The following CUL5 variants were observed in gnomAD, a reference collection of about 807,000 sequenced individuals.
The protein encoded by CUL5 is cullin-5.
Under a neutral mutation model 108.8 loss-of-function variants are expected in CUL5, and 26 were observed. That is an observed-to-expected ratio of 0.24 (90% confidence interval 0.18 to 0.33). The LOEUF (loss-of-function observed/expected upper bound fraction) is 0.33, where lower values mean the gene tolerates loss of function less well. Ranked by LOEUF, CUL5 falls within the 10% of genes least tolerant of loss-of-function variation. CUL5 has a pLI of 1.00. For missense variants in CUL5, 524 were observed against 909.2 expected (o/e 0.58, Z 5.45); for synonymous variants, 334 against 298.0 (o/e 1.12, Z -1.25).
chr11:108,104,466 G>T lies in CUL5; in HGVS notation c.*82G>T. The T allele has an allele frequency of 1.2e-6, 1 of 839,948 alleles. No individual in the cohort carries two copies. The allele number at this position is 839,948 out of a possible 1,614,324, so 52.0% of individuals were successfully genotyped here. On this transcript the variant is annotated 3_prime_UTR_variant, in exon 19 of 19. Transcript: ENST00000393094. Reference sequence around the variant, plus strand: ...GTTGTAAAGTTTGTGCTGGAGAAAGGTTTATTTGGACTTTGATTACATAAA... The same window carrying T: ...GTTGTAAAGTTTGTGCTGGAGAAAGTTTTATTTGGACTTTGATTACATAAA...
intron 1 of CUL5, among the ~76,000 whole-genome samples, chr11:108,030,639 A>G (rs960433340): frequency 2.6e-5 from 4 of 152,202 alleles, no homozygotes; most frequent in Non-Finnish European, 4.4e-5. Context: ...CTCTGTCTCA[A>G]AAACAAAAAG....
intron 1 of CUL5, among the ~76,000 whole-genome samples, chr11:108,014,856 C>T (rs1186358232): frequency 1.3e-5 from 2 of 152,000 alleles, no homozygotes; most frequent in African/African-American, 4.8e-5. Context: ...TAAAAACAAC[C>T]AGGGTAAAAG....
chr11:108,044,384 AC>A (rs1863013159), intron 2 of CUL5, among the ~76,000 whole-genome samples: 2 of 151,618 alleles, frequency 1.3e-5, no homozygotes, highest in Non-Finnish European at 2.9e-5. Context: ...ACATGGTGGC[AC>A]ATACCTGTGG....
In CUL5 at chr11:108,021,165, T is replaced by G. The variant is rs141483173; in HGVS notation, c.24+11793T>G. On this transcript the variant is annotated intron_variant, in intron 1 of 18. Coordinates refer to ENST00000393094, the MANE Select transcript of CUL5 (RefSeq NM_003478.6). ...ATTTGTGTAAGTACATGCTGTTATTTTCACACAACGATGAAATTGCTTAAC... is the reference window on the plus strand; with the variant it reads ...ATTTGTGTAAGTACATGCTGTTATTGTCACACAACGATGAAATTGCTTAAC... 6.7e-4 allele frequency among the ~76,000 whole-genome samples: 102 copies of G among 152,352 alleles called. 1 individual carries two copies. The East Asian group carries it at 0.016, about 24-fold the overall frequency.
At chr11:108,078,830 G>A (rs1053305215) in intron 11 of CUL5, among the ~76,000 whole-genome samples, 2 of 151,926 alleles carry the variant, frequency 1.3e-5, no homozygotes, top group African/African-American at 4.8e-5. Flanking sequence ...GAAAAATAAC[G>A]TTTCTTAAGA....
At chr11:108,045,436 T>G (rs1336601993) in intron 2 of CUL5, among the ~76,000 whole-genome samples, 1 of 151,834 alleles carries the variant, frequency 6.6e-6, no homozygotes, top group African/African-American at 2.4e-5. Context: ...TACCAAAAAT[T>G]TAAAAAACTA....
At chr11:108,042,218 C>CTT (rs11440201) in intron 2 of CUL5, among the ~76,000 whole-genome samples, 17,508 of 123,916 alleles carry the variant, frequency 0.14, 1,883 homozygotes, top group Non-Finnish European at 0.16. Flanking sequence ...ATCCACAATT[C>CTT]TTTTTTTTTT....
At position 108,067,740 on chromosome 11, in the gene CUL5, ATTAG is replaced by A. The variant is rs569733173; in HGVS notation, c.781-2352_781-2349del. 1.8e-4 allele frequency among the ~76,000 whole-genome samples: 27 copies of A among 152,228 alleles called. No homozygotes were observed. The East Asian group carries it at 4.4e-3, about 25-fold the overall frequency. On this transcript the variant is annotated intron_variant, in intron 7 of 18. Coordinates refer to ENST00000393094, the MANE Select transcript of CUL5 (RefSeq NM_003478.6). ...GGATTCCACTTTGTCTTTGTTCTCT[ATTAG>A]TTATATATTGTTAGATTTACCTATG... is the stretch of plus-strand genomic sequence containing the variant.
At chr11:108,027,170 C>T (rs921930969) in intron 1 of CUL5, among the ~76,000 whole-genome samples, 2 of 151,616 alleles carry the variant, frequency 1.3e-5, no homozygotes, top group Middle Eastern at 3.4e-3. Context: ...GTCTCACTGT[C>T]GCTGTCGCCT....
intron 7 of CUL5, 33 bp from the exon 8 acceptor site, chr11:108,070,063 T>C (rs753899457): frequency 7.1e-7 from 1 of 1,409,044 alleles, no homozygotes; most frequent in South Asian, 1.2e-5. Flanking sequence ...ATACAGCTTA[T>C]AGTAGCCTTG....
intron 13 of CUL5, among the ~76,000 whole-genome samples, chr11:108,091,695 T>TCACGCACA (rs376496161): frequency 2.9e-5 from 4 of 138,098 alleles, no homozygotes; most frequent in African/African-American, 1.1e-4. Flanking sequence ...TCTCTCTCAC[T>TCACGCACA]CACACACACA....
intron 11 of CUL5, 28 bp downstream of exon 11, chr11:108,078,268 A>C: frequency 7.4e-7 from 1 of 1,350,118 alleles, no homozygotes; most frequent in Non-Finnish European, 1.0e-6. Flanking sequence ...ATACTTTAAA[A>C]ATACTTAAAT....
chr11:108,016,232 T>TTTCTCTTCTCTTCTCTTCTCGTC (rs1555104871), intron 1 of CUL5, among the ~76,000 whole-genome samples: 5 of 151,334 alleles, frequency 3.3e-5, no homozygotes, highest in East Asian at 2.0e-4. Context: ...AGGTTTTTCT[T>TTTCTCTTCTCTTCTCTTCTCGTC]TTCTCTTCTC....
chr11:108,041,851 C>G (rs1160980016), intron 2 of CUL5, among the ~76,000 whole-genome samples: 1 of 152,186 alleles, frequency 6.6e-6, no homozygotes, highest in African/African-American at 2.4e-5. Context: ...CTCGGCCTCC[C>G]AAAGTGCTGG....
At chr11:108,089,139 G>T (rs1864292048) in intron 12 of CUL5, among the ~76,000 whole-genome samples, 1 of 152,044 alleles carries the variant, frequency 6.6e-6, no homozygotes, top group Non-Finnish European at 1.5e-5. Flanking sequence ...TAGACAGAAA[G>T]GCCGAGAGAG....
chr11:108,041,197 T>C (rs932200614), intron 2 of CUL5, among the ~76,000 whole-genome samples: 2 of 152,202 alleles, frequency 1.3e-5, no homozygotes, highest in African/African-American at 4.8e-5. Flanking sequence ...TACACCCAGC[T>C]TTCTGTAGCC....
intron 3 of CUL5, 165 bp downstream of exon 3, chr11:108,046,534 ATTAT>A (rs1383894532): frequency 1.3e-5 from 7 of 539,628 alleles, no homozygotes; most frequent in Non-Finnish European, 1.9e-5. Context: ...CATTAGTTGG[ATTAT>A]TTTTTTCCCA....
intron 11 of CUL5, among the ~76,000 whole-genome samples, chr11:108,081,962 A>G (rs1228387603): frequency 1.3e-5 from 2 of 152,212 alleles, no homozygotes; most frequent in African/African-American, 4.8e-5. Flanking sequence ...CTAATTCCAT[A>G]TGAATTTGAG....
intron 11 of CUL5, among the ~76,000 whole-genome samples, chr11:108,079,454 A>G (rs1864018665): frequency 6.6e-6 from 1 of 152,144 alleles, no homozygotes. Flanking sequence ...TAGAGTTACT[A>G]TGGTTGCTTT....
Sources: allele counts gnomAD v4.1 joint callset (sites outside exome capture counted in the v4.1 genomes callset), GRCh38; gene constraint gnomAD v4.1.1; transcripts MANE v1.5; gene names NCBI Gene and HGNC (gene_info 2026-07-23, HGNC 2026-07-21).